SCUBE1: variants seen among roughly 807,000 people sequenced by gnomAD.
SCUBE1 encodes signal peptide, CUB domain and EGF like domain containing 1, also known as signal peptide, CUB and EGF-like domain-containing protein 1.
SCUBE1 carries 59 observed loss-of-function variants against 124.4 expected under a neutral mutation model. The observed-to-expected ratio is 0.47, with a 90% CI of 0.38 to 0.59. The LOEUF (loss-of-function observed/expected upper bound fraction) is 0.59, where lower values mean the gene tolerates loss of function less well. Among genes scored for constraint, SCUBE1 ranks in the 20% least tolerant of loss-of-function variants. SCUBE1 has a pLI of 0.00. For missense variants in SCUBE1, 1,150 were observed against 1,371.2 expected (o/e 0.84, Z 2.55); for synonymous variants, 545 against 550.9 (o/e 0.99, Z 0.15).
intron 16 of SCUBE1, chr22:43,212,799 G>T: frequency 1.7e-6 from 1 of 585,360 alleles, no homozygotes; most frequent in Non-Finnish European, 3.0e-6. Flanking sequence ...AGCGGTTCAT[G>T]TGCGGCCTTG....
chr22:43,250,075 G>A (rs927706891), intron 6 of SCUBE1, among the ~76,000 whole-genome samples: 10 of 152,252 alleles, frequency 6.6e-5, no homozygotes, highest in Admixed American at 6.5e-4. Context: ...TCGATAGGAA[G>A]TACACGCTAT....
intron 15 of SCUBE1, among the ~76,000 whole-genome samples, chr22:43,216,699 C>T (rs1213100639): frequency 6.6e-6 from 1 of 151,914 alleles, no homozygotes; most frequent in Non-Finnish European, 1.5e-5. Context: ...ATGACATCAC[C>T]AAGCTCCCTT....
At chr22:43,335,993 A>C (rs1555891378) in intron 2 of SCUBE1, among the ~76,000 whole-genome samples, 1 of 151,396 alleles carries the variant, frequency 6.6e-6, no homozygotes, top group Non-Finnish European at 1.5e-5. Flanking sequence ...TGATGATGAT[A>C]ATGATGATGG....
At chr22:43,245,381 G>A (rs1253374309) in intron 6 of SCUBE1, among the ~76,000 whole-genome samples, 1 of 152,220 alleles carries the variant, frequency 6.6e-6, no homozygotes, top group Non-Finnish European at 1.5e-5. Context: ...GTCTGCTGGG[G>A]GGGTGCCGGC....
intron 4 of SCUBE1, among the ~76,000 whole-genome samples, chr22:43,280,008 G>C (rs576731280): frequency 6.6e-6 from 1 of 152,324 alleles, no homozygotes; most frequent in African/African-American, 2.4e-5. Context: ...AGCCAATCAA[G>C]TCCCTGCAAT....
intron 4 of SCUBE1, among the ~76,000 whole-genome samples, chr22:43,280,435 A>ACCCATCCTCCCGTCCCTTCCCCTCC (rs1924732935): frequency 5.9e-5 from 1 of 16,818 alleles, no homozygotes; most frequent in African/African-American, 2.4e-4. Context: ...CCTTCCCCTC[A>ACCCATCCTCCCGTCCCTTCCCCTCC]CCCATCCCCC....
chr22:43,336,505 A>G (rs570114376), intron 2 of SCUBE1, among the ~76,000 whole-genome samples: 100 of 152,332 alleles, frequency 6.6e-4, no homozygotes, highest in African/African-American at 2.4e-3. Context: ...GAACACGGCT[A>G]CAAATGTAAA....
intron 9 of SCUBE1, among the ~76,000 whole-genome samples, chr22:43,228,281 T>A (rs1922406298): frequency 6.6e-6 from 1 of 152,118 alleles, no homozygotes; most frequent in Non-Finnish European, 1.5e-5. Flanking sequence ...TGGCTCTGAC[T>A]CCTAAATACA....
chr22:43,215,012 CGTGTATACACATCTATGCTTTCCA>C, intron 15 of SCUBE1, among the ~76,000 whole-genome samples: 1 of 152,118 alleles, frequency 6.6e-6, no homozygotes, highest in East Asian at 1.9e-4. Flanking sequence ...TGTGTGTGCA[CGTGTATACACATCTATGCTTTCCA>C]GTTCTGTCCG....
At chr22:43,336,596 A>G (rs997446523) in intron 2 of SCUBE1, among the ~76,000 whole-genome samples, 1 of 152,190 alleles carries the variant, frequency 6.6e-6, no homozygotes, top group African/African-American at 2.4e-5. Context: ...TGGCCCTTAC[A>G]GCAAGCTTAT....
chr22:43,229,254 G>C, intron 8 of SCUBE1, 66 bp from the exon 9 acceptor site: 4 of 1,014,832 alleles, frequency 3.9e-6, no homozygotes, highest in Non-Finnish European at 6.3e-6. Context: ...GGCACGGCCT[G>C]TCACTCTCAG....
At chr22:43,336,863 GT>G (rs1279928123) in intron 2 of SCUBE1, among the ~76,000 whole-genome samples, 3 of 152,148 alleles carry the variant, frequency 2.0e-5, no homozygotes, top group African/African-American at 7.2e-5. Context: ...CAGAAAGAAG[GT>G]AAGGAGCTCC....
chr22:43,265,629 G>A (rs956627425), intron 4 of SCUBE1, among the ~76,000 whole-genome samples: 10 of 152,192 alleles, frequency 6.6e-5, no homozygotes, highest in African/African-American at 1.7e-4. Context: ...AGCAAGGGAC[G>A]GGCCAGTGAT....
intron 3 of SCUBE1, among the ~76,000 whole-genome samples, chr22:43,305,453 G>A (rs1249928533): frequency 6.6e-6 from 1 of 152,200 alleles, no homozygotes; most frequent in Non-Finnish European, 1.5e-5. Context: ...CGGGGGGCTG[G>A]GGAAGAGGCT....
chr22:43,214,047 G>GGGGCCCCCCCCCCC (rs2146658482), intron 16 of SCUBE1, 43 bp downstream of exon 16: 3 of 143,434 alleles, frequency 2.1e-5, no homozygotes, highest in Middle Eastern at 2.7e-3. Context: ...AGGAGCCCCC[G>GGGGCCCCCCCCCCC]CCCACCCCCC....
chr22:43,276,200 G>A (rs1437875397), intron 4 of SCUBE1, among the ~76,000 whole-genome samples: 12 of 152,206 alleles, frequency 7.9e-5, no homozygotes, highest in Admixed American at 2.0e-4. Flanking sequence ...TGGGGTCCCC[G>A]TCTAGGGGAC....
intron 6 of SCUBE1, among the ~76,000 whole-genome samples, chr22:43,254,459 C>A (rs1382977971): frequency 1.3e-5 from 2 of 152,216 alleles, no homozygotes; most frequent in Non-Finnish European, 2.9e-5. Context: ...AACAAAGCCA[C>A]CTCTCTGGGA....
At chr22:43,209,798 C>G (rs1438487745) in intron 19 of SCUBE1, among the ~76,000 whole-genome samples, 1 of 152,220 alleles carries the variant, frequency 6.6e-6, no homozygotes, top group Admixed American at 6.5e-5. Context: ...GACCATGTCC[C>G]AGCATCCACT....
chr22:43,339,614 T>TCC (rs1927205413), intron 1 of SCUBE1, among the ~76,000 whole-genome samples: 1 of 115,062 alleles, frequency 8.7e-6, no homozygotes, highest in Non-Finnish European at 1.7e-5. Flanking sequence ...CCTCACTCTA[T>TCC]CCCCTACTCT....
Sources: allele counts gnomAD v4.1 joint callset (sites outside exome capture counted in the v4.1 genomes callset), GRCh38; gene constraint gnomAD v4.1.1; transcripts MANE v1.5; gene names NCBI Gene and HGNC (gene_info 2026-07-23, HGNC 2026-07-21).